The following TAB3 variants were observed in gnomAD, a reference collection of about 807,000 sequenced individuals.
TAB3 encodes the protein TGF-beta-activated kinase 1 and MAP3K7-binding protein 3.
Under a neutral mutation model 48.1 loss-of-function variants are expected in TAB3, and 18 were observed. The ratio of observed to expected loss-of-function variants is 0.37; its 90% CI spans 0.26 to 0.55. TAB3 has a LOEUF of 0.55. Among genes scored for constraint, TAB3 ranks in the 20% least tolerant of loss-of-function variants. The pLI is 0.78. For synonymous variants in TAB3, 185 were observed against 190.2 expected (o/e 0.97, Z 0.22); for missense variants, 414 against 549.8 (o/e 0.75, Z 2.47).
intron 1 of TAB3, among the ~76,000 whole-genome samples, chrX:30,878,409 A>C (rs971817625): frequency 2.8e-5 from 3 of 107,111 alleles, no homozygotes; most frequent in African/African-American, 1.0e-4. Context: ...CTGAGGCAGG[A>C]GAATTGCTTG....
intron 4 of TAB3, among the ~76,000 whole-genome samples, chrX:30,863,587 C>T (rs1279975944): frequency 8.9e-6 from 1 of 111,806 alleles, no homozygotes; most frequent in Non-Finnish European, 1.9e-5. Flanking sequence ...GGACCTCTCC[C>T]TCACCCGCCT....
intron 10 of TAB3, among the ~76,000 whole-genome samples, chrX:30,833,646 A>G (rs1938096032): frequency 9.1e-6 from 1 of 109,821 alleles, no homozygotes; most frequent in Non-Finnish European, 1.9e-5. Flanking sequence ...CCTGGCTAAC[A>G]CAGTGAAACC....
intron 1 of TAB3, among the ~76,000 whole-genome samples, chrX:30,873,312 C>T (rs1213255776): frequency 9.2e-6 from 1 of 108,651 alleles, no homozygotes; most frequent in Non-Finnish European, 1.9e-5. Context: ...CCGAGGCGGG[C>T]GGATCACGAG....
chrX:30,832,891 TAC>T (rs1938065813), intron 10 of TAB3, among the ~76,000 whole-genome samples: 1 of 111,834 alleles, frequency 8.9e-6, no homozygotes. Context: ...GTAGATTTAA[TAC>T]AGTTTTCTTT....
chrX:30,864,199 G>A (rs1434172633), intron 4 of TAB3, among the ~76,000 whole-genome samples: 1 of 111,485 alleles, frequency 9.0e-6, no homozygotes, highest in African/African-American at 3.3e-5. Context: ...GTGGATTGTG[G>A]AGCTGTGTAG....
At chrX:30,834,231 C>A in intron 9 of TAB3, 79 bp from the exon 10 acceptor site, 1 of 895,998 alleles carries the variant, frequency 1.1e-6, no homozygotes, top group Non-Finnish European at 1.6e-6. Flanking sequence ...CAAGATCTTT[C>A]AAGCAACCCA....
At chrX:30,869,633 T>C (rs1368871821) in intron 2 of TAB3, among the ~76,000 whole-genome samples, 1 of 112,291 alleles carries the variant, frequency 8.9e-6, no homozygotes, top group Non-Finnish European at 1.9e-5. Flanking sequence ...GGAAATCTAA[T>C]TTGCTCTGGT....
chrX:30,830,826 T>A lies in TAB3; in HGVS notation c.*601A>T, dbSNP rs1263438417. 1 of 109,479 alleles carries A rather than the reference T, an allele frequency of 9.1e-6. No homozygotes were observed. Among genetic ancestry groups the A allele is most frequent in the Non-Finnish European group, 1.9e-5 (1 of 52,610 alleles). 9.0% of individuals were successfully genotyped at this position (109,479 alleles called of 1,213,427 possible). A position where few individuals can be genotyped will look rare whatever the true frequency, so the allele number is the denominator to read the frequency against. ...AGTTCCTGACTGCTACAAATCACATTTTAAAACATTTTGTTTGTGTGCATG... is the reference window on the plus strand; with the variant it reads ...AGTTCCTGACTGCTACAAATCACATATTAAAACATTTTGTTTGTGTGCATG... On this transcript the variant is annotated 3_prime_UTR_variant, in exon 11 of 11. Coordinates refer to ENST00000288422, the MANE Select transcript of TAB3 (RefSeq NM_152787.5).
chrX:30,881,750 C>T (rs997932914), intron 1 of TAB3, among the ~76,000 whole-genome samples: 3 of 111,255 alleles, frequency 2.7e-5, no homozygotes, highest in African/African-American at 6.5e-5. Flanking sequence ...ATGAAGAAAC[C>T]GAGGTCTTTT....
chrX:30,884,477 C>T (rs1223635235), intron 1 of TAB3, among the ~76,000 whole-genome samples: 1 of 110,519 alleles, frequency 9.0e-6, no homozygotes, highest in African/African-American at 3.3e-5. Flanking sequence ...GGGCATTTTA[C>T]CCCGAGATCA....
chrX:30,833,116 G>T (rs888724204), intron 10 of TAB3, among the ~76,000 whole-genome samples: 2 of 108,443 alleles, frequency 1.8e-5, no homozygotes, highest in Non-Finnish European at 3.8e-5. Flanking sequence ...GACTACAGGC[G>T]CCTGCCACCG....
At chrX:30,869,196 G>T (rs757494722) in intron 2 of TAB3, among the ~76,000 whole-genome samples, 2 of 110,191 alleles carry the variant, frequency 1.8e-5, no homozygotes, top group Non-Finnish European at 3.8e-5. Context: ...GAGTGGCTGG[G>T]ATTACAGGCA....
intron 1 of TAB3, among the ~76,000 whole-genome samples, chrX:30,888,246 C>T (rs1940185627): frequency 8.9e-6 from 1 of 112,632 alleles, no homozygotes; most frequent in African/African-American, 3.2e-5. Flanking sequence ...CTTTTAGAAA[C>T]CAGAAGTAAA....
At chrX:30,852,168 C>T (rs1293310928) in intron 7 of TAB3, among the ~76,000 whole-genome samples, 1 of 112,009 alleles carries the variant, frequency 8.9e-6, no homozygotes, top group South Asian at 3.7e-4. Flanking sequence ...TGTTTGGGAT[C>T]GTTAGAACTC....
At chrX:30,875,492 T>G (rs1204751261) in intron 1 of TAB3, among the ~76,000 whole-genome samples, 1 of 111,421 alleles carries the variant, frequency 9.0e-6, no homozygotes, top group Non-Finnish European at 1.9e-5. Flanking sequence ...TTTTTCCTAT[T>G]TCACAAGGGC....
At chrX:30,858,185 A>G (rs1939135151) in intron 5 of TAB3, among the ~76,000 whole-genome samples, 1 of 112,232 alleles carries the variant, frequency 8.9e-6, no homozygotes, top group Non-Finnish European at 1.9e-5. Flanking sequence ...AGTTTAGTTA[A>G]ATGGTAATGA....
chrX:30,851,934 T>C (rs962736007), intron 7 of TAB3, among the ~76,000 whole-genome samples: 3 of 112,306 alleles, frequency 2.7e-5, no homozygotes, highest in African/African-American at 6.5e-5. Flanking sequence ...GATGTATAAA[T>C]TCTCTCATTA....
chrX:30,876,137 G>A (rs1361508517), intron 1 of TAB3, among the ~76,000 whole-genome samples: 1 of 111,997 alleles, frequency 8.9e-6, no homozygotes, highest in Non-Finnish European at 1.9e-5. Context: ...CACTGAATGT[G>A]ATGTGGCCTT....
At chrX:30,843,716 A>G (rs1938530870) in intron 8 of TAB3, 1 of 111,529 alleles carries the variant, frequency 9.0e-6, no homozygotes, top group Admixed American at 9.5e-5. Flanking sequence ...ACAATACCTG[A>G]GAATTTTGTC....
Sources: allele counts gnomAD v4.1 joint callset (sites outside exome capture counted in the v4.1 genomes callset), GRCh38; gene constraint gnomAD v4.1.1; transcripts MANE v1.5; gene names NCBI Gene and HGNC (gene_info 2026-07-23, HGNC 2026-07-21).